The following PSMC4 variants were observed in gnomAD, a reference collection of about 807,000 sequenced individuals.
PSMC4 encodes the protein 26S proteasome regulatory subunit 6B.
A neutral mutation model predicts 48.4 loss-of-function variants in PSMC4; 13 were observed. The observed-to-expected ratio is 0.27, with a 90% CI of 0.18 to 0.43. The LOEUF is 0.43. Among genes scored for constraint, PSMC4 ranks in the 20% least tolerant of loss-of-function variants. PSMC4 has a pLI of 1.00. For missense variants in PSMC4, 262 were observed against 555.9 expected (o/e 0.47, Z 5.32); for synonymous variants, 202 against 212.3 (o/e 0.95, Z 0.42).
Position 39,972,314 on chromosome 19 carries a change from C to T in PSMC4, c.136-55C>T, listed in dbSNP as rs999283892. ...TCATACTCTTCCCCACTTTCCACCA[C>T]TCTCTGGATCAGCAAGTCTGGAGCC... On this transcript the variant is annotated intron_variant, in intron 2 of 10. Transcript: ENST00000157812. 9 of 1,610,032 alleles carry T rather than the reference C, an allele frequency of 5.6e-6. No homozygotes were observed. In the African/African-American group the frequency reaches 1.2e-4, roughly 22 times the overall value.
intron 6 of PSMC4, chr19:39,979,600 C>A: frequency 2.6e-6 from 1 of 380,850 alleles, no homozygotes; most frequent in South Asian, 1.4e-4. Flanking sequence ...AAGGATGATT[C>A]ATGATTTAGG....
At position 39,974,269 on chromosome 19, in the gene PSMC4, C is replaced by T. The variant is rs746496477; in HGVS notation, c.323-25C>T. ...GGGCAGTTTCCAGGCTGACACTTCTCGTTTTCCTCTCTCCCTTCTCGCAGG... is the reference window on the plus strand; with the variant it reads ...GGGCAGTTTCCAGGCTGACACTTCTTGTTTTCCTCTCTCCCTTCTCGCAGG... On this transcript the variant is annotated intron_variant, in intron 3 of 10. Coordinates refer to ENST00000157812, the MANE Select transcript of PSMC4 (RefSeq NM_006503.4). The surrounding 1 kb of genome is among the most constrained non-coding windows in gnomAD (Gnocchi z 5.5). 1.0e-4 allele frequency: 161 copies of T among 1,611,994 alleles called. No homozygotes were observed. The highest frequency in any genetic ancestry group is 1.8e-4 in the South Asian group (16 of 91,002).
chr19:39,973,872 C>T (rs1971148031), intron 3 of PSMC4, among the ~76,000 whole-genome samples: 1 of 152,056 alleles, frequency 6.6e-6, no homozygotes, highest in Non-Finnish European at 1.5e-5. Flanking sequence ...TCTCTTTGAC[C>T]TGTGGGAGTT....
At chr19:39,979,775 A>G in intron 6 of PSMC4, 42 bp from the exon 7 acceptor site, 1 of 1,566,830 alleles carries the variant, frequency 6.4e-7, no homozygotes, top group South Asian at 1.2e-5. Context: ...TGGGCCCCTC[A>G]GGAGGCTCAT....
At position 39,972,215 on chromosome 19, in the gene PSMC4, G is replaced by A. The variant is rs779477313; in HGVS notation, c.106G>A (p.Asp36Asn). ...GTCCTTCCTGGGCCCTGAGCCTGAG[G>A]ACCTGGAGGACCTGTACAGCCGCTA... is the stretch of plus-strand genomic sequence containing the variant. ...GLSFLGPEPE[D>N]LEDLYSRYKK... The change falls in exon 2 of 11, where the codon GAC (aspartate) becomes AAC (asparagine). Residue 36 changes from aspartate (D) to asparagine (N), a missense_variant. Physicochemically the swap from Asp to Asn is conservative, Grantham distance 23. This residue lies in a region of PSMC4 where 131 missense variants were observed against 276.7 expected (regional missense o/e 0.47). Transcript: ENST00000157812. 3.7e-6 allele frequency: 6 copies of A among 1,613,900 alleles called. No homozygotes were observed. The highest frequency in any genetic ancestry group is 1.1e-5 in the South Asian group (1 of 91,078).
Position 39,980,622 on chromosome 19 carries a change from AC to A in PSMC4, c.1088-36del, listed in dbSNP as rs1211223816. 6.2e-7 allele frequency: 1 copy of A among 1,609,594 alleles called. No homozygotes were observed. The highest frequency in any genetic ancestry group is 1.3e-5 in the African/African-American group (1 of 74,874). On this transcript the variant is annotated intron_variant, in intron 9 of 10. Transcript: ENST00000157812. The surrounding 1 kb of genome is among the most constrained non-coding windows in gnomAD (Gnocchi z 4.8). ...AGATGACTTCCAGCCCCAGGCATTTACCCCATCACACAGGGAATAGTTTCCT... is the reference window on the plus strand; with the variant it reads ...AGATGACTTCCAGCCCCAGGCATTTACCCATCACACAGGGAATAGTTTCCT...
At chr19:39,977,045 G>A (rs1034359467) in intron 6 of PSMC4, among the ~76,000 whole-genome samples, 2 of 151,656 alleles carry the variant, frequency 1.3e-5, no homozygotes, top group African/African-American at 2.4e-5. Flanking sequence ...TAGAAATGGG[G>A]TTGCACCATG....
Position 39,980,764 on chromosome 19 carries a change from C to G in PSMC4, c.1143+47C>G. The G allele has an allele frequency of 6.3e-7, 1 of 1,582,850 alleles. No homozygotes were observed. ...GATCCAGGCAGCGGGTGTGTGAGGACCCTTCTTCTCTGAACCACTCTGCTG... is the reference window on the plus strand; with the variant it reads ...GATCCAGGCAGCGGGTGTGTGAGGAGCCTTCTTCTCTGAACCACTCTGCTG... On this transcript the variant is annotated intron_variant, in intron 10 of 10. Coordinates refer to ENST00000157812, the MANE Select transcript of PSMC4 (RefSeq NM_006503.4). This position sits in a 1 kb window ranked among gnomAD's most constrained non-coding sequence, Gnocchi z 4.8.
At position 39,974,698 on chromosome 19, in the gene PSMC4, C is replaced by T; in HGVS notation, c.580-37C>T. The T allele has an allele frequency of 1.9e-6, 3 of 1,612,804 alleles. No homozygotes were observed. The highest frequency in any genetic ancestry group is 2.2e-5 in the South Asian group (2 of 91,032). On this transcript the variant is annotated intron_variant, in intron 5 of 10. Transcript: ENST00000157812. This position sits in a 1 kb window ranked among gnomAD's most constrained non-coding sequence, Gnocchi z 5.5. ...TGGGTCTGGGGTTGGAGGTGGAACC[C>T]CTGACTCCCACTTCTCTTCCTTCCT...
At position 39,981,548 on chromosome 19, in the gene PSMC4, G is replaced by A. The variant is rs577239541; in HGVS notation, c.*243G>A. On this transcript the variant is annotated 3_prime_UTR_variant, in exon 11 of 11. Coordinates refer to ENST00000157812, the MANE Select transcript of PSMC4 (RefSeq NM_006503.4). ...GATGAGCAGACGAGGTGCATGGCCT[G>A]GGTTGCAGCTTGAGAGAACCAAAAT... 1.2e-5 allele frequency: 5 copies of A among 401,256 alleles called. No homozygotes were observed. Among genetic ancestry groups the A allele is most frequent in the African/African-American group, 1.0e-4 (5 of 49,494 alleles). The allele number at this position is 401,256 out of a possible 1,614,324, so 24.9% of individuals were successfully genotyped here.
Position 39,981,523 on chromosome 19 carries a change from G to C in PSMC4, c.*218G>C. On this transcript the variant is annotated 3_prime_UTR_variant, in exon 11 of 11. Coordinates refer to ENST00000157812, the MANE Select transcript of PSMC4 (RefSeq NM_006503.4). ...CCTCTGGGTCCCTCTTAATCTGACA[G>C]ATGAGCAGACGAGGTGCATGGCCTG... The C allele has an allele frequency of 2.1e-6, 1 of 475,742 alleles. No homozygotes were observed. 29.5% of individuals were successfully genotyped at this position (475,742 alleles called of 1,614,324 possible). A position where few individuals can be genotyped will look rare whatever the true frequency, so the allele number is the denominator to read the frequency against.
chr19:39,980,776 G>T lies in PSMC4; in HGVS notation c.1143+59G>T. The T allele has an allele frequency of 6.5e-7, 1 of 1,544,950 alleles. No homozygotes were observed. The highest frequency in any genetic ancestry group is 1.1e-5 in the South Asian group (1 of 89,678). ...GGGTGTGTGAGGACCCTTCTTCTCT[G>T]AACCACTCTGCTGCAGTCCTGTCCC... On this transcript the variant is annotated intron_variant, in intron 10 of 10. Coordinates refer to ENST00000157812, the MANE Select transcript of PSMC4 (RefSeq NM_006503.4). The surrounding 1 kb of genome is among the most constrained non-coding windows in gnomAD (Gnocchi z 4.8).
Position 39,971,221 on chromosome 19 carries a change from T to A in PSMC4, c.19T>A (p.Leu7Met). ...GGTCACTATGGAGGAGATAGGCATC[T>A]TGGTGGAGAAGGCTCAGGTACAGTG... Reference protein sequence around the residue: MEEIGILVEKAQDEIPA... With the variant: MEEIGIMVEKAQDEIPA... Residue 7 changes from leucine (L) to methionine (M), a missense_variant, in exon 1 of 11, where the codon TTG becomes ATG. Physicochemically the swap from Leu to Met is conservative, Grantham distance 15. Around this residue, in one of 4 missense-constraint regions of PSMC4, gnomAD observed 33 missense variants for 35.5 expected, o/e 0.93. Transcript: ENST00000157812. 1 of 1,614,162 alleles carries A rather than the reference T, an allele frequency of 6.2e-7. No homozygotes were observed. The highest frequency in any genetic ancestry group is 8.5e-7 in the Non-Finnish European group (1 of 1,180,002).
intron 6 of PSMC4, among the ~76,000 whole-genome samples, chr19:39,976,259 A>G (rs1407182677): frequency 7.0e-6 from 1 of 143,756 alleles, no homozygotes; most frequent in Non-Finnish European, 1.5e-5. Context: ...ATATATATAT[A>G]TATATATATA....
Position 39,974,944 on chromosome 19 carries a change from G to A in PSMC4, c.673+116G>A, listed in dbSNP as rs535414424. Reference sequence around the variant, plus strand: ...AACAGACTCTGGGGTCATAGCCCACGTGTGCATGTTACTGGCTGTGCTGAC... The same window carrying A: ...AACAGACTCTGGGGTCATAGCCCACATGTGCATGTTACTGGCTGTGCTGAC... On this transcript the variant is annotated intron_variant, in intron 6 of 10. Coordinates refer to ENST00000157812, the MANE Select transcript of PSMC4 (RefSeq NM_006503.4). This position sits in a 1 kb window ranked among gnomAD's most constrained non-coding sequence, Gnocchi z 5.5. The A allele has an allele frequency of 7.0e-6, 7 of 1,001,822 alleles. No individual in the cohort carries two copies. Among genetic ancestry groups the A allele is most frequent in the Admixed American group, 2.3e-5 (1 of 43,430 alleles). 62.1% of individuals were successfully genotyped at this position (1,001,822 alleles called of 1,614,324 possible). A position where few individuals can be genotyped will look rare whatever the true frequency, so the allele number is the denominator to read the frequency against.
Position 39,973,714 on chromosome 19 carries a change from AT to A in PSMC4, c.323-579del, listed in dbSNP as rs1971145752. 1.3e-5 allele frequency among the ~76,000 whole-genome samples: 2 copies of A among 151,396 alleles called. 1 individual carries two copies. Among genetic ancestry groups the A allele is most frequent in the African/African-American group, 4.9e-5 (2 of 41,162 alleles). ...TGATAGTCATTGTCACTGGCATCTT[AT>A]CTGTTTTTTCTTGTTTCTGGGCTCT... On this transcript the variant is annotated intron_variant, in intron 3 of 10. Transcript: ENST00000157812.
intron 6 of PSMC4, among the ~76,000 whole-genome samples, chr19:39,978,461 G>T (rs916192017): frequency 6.6e-6 from 1 of 152,152 alleles, no homozygotes; most frequent in Non-Finnish European, 1.5e-5. Flanking sequence ...GAAATCTTGA[G>T]GTTAGGATGC....
At position 39,981,671 on chromosome 19, in the gene PSMC4, C is replaced by CATT. The variant is rs1360908125; in HGVS notation, c.*367_*369dup. On this transcript the variant is annotated 3_prime_UTR_variant, in exon 11 of 11. Coordinates refer to ENST00000157812, the MANE Select transcript of PSMC4 (RefSeq NM_006503.4). ...GGGATAAAGCCCTGTGCATCTCCCT[C>CATT]ATTTCCTACAGGTAAAAGACAGTAA... Among the ~76,000 whole-genome samples, 5 of 152,092 alleles carry CATT rather than the reference C, an allele frequency of 3.3e-5. No individual in the cohort carries two copies. The highest frequency in any genetic ancestry group is 1.2e-4 in the African/African-American group (5 of 41,412).
chr19:39,978,748 G>A (rs1390325790), intron 6 of PSMC4, among the ~76,000 whole-genome samples: 5 of 152,122 alleles, frequency 3.3e-5, no homozygotes, highest in African/African-American at 1.2e-4. Context: ...AGCATGGGGT[G>A]GCTCATGTCT....
Sources: allele counts gnomAD v4.1 joint callset (sites outside exome capture counted in the v4.1 genomes callset), GRCh38; gene constraint gnomAD v4.1.1; regional missense constraint gnomAD v4.1.1; non-coding constraint Gnocchi (gnomAD v3.1); transcripts MANE v1.5; gene names NCBI Gene and HGNC (gene_info 2026-07-23, HGNC 2026-07-21).